The following SLC9B1 variants were observed in gnomAD, a reference collection of about 807,000 sequenced individuals.
SLC9B1 encodes the protein sodium/hydrogen exchanger 9B1.
Under a neutral mutation model 51.7 loss-of-function variants are expected in SLC9B1, and 32 were observed. That is an observed-to-expected ratio of 0.62 (90% CI 0.47 to 0.83). The LOEUF is 0.83. SLC9B1 is among the 40% of genes least tolerant of loss of function. The pLI is 0.00. For synonymous variants in SLC9B1, 145 were observed against 212.7 expected (o/e 0.68, Z 2.77); for missense variants, 406 against 613.2 (o/e 0.66, Z 3.57).
Position 102,945,303 on chromosome 4 carries a change from C to G in SLC9B1, c.543G>C (p.Lys181Asn). 6.3e-7 allele frequency: 1 copy of G among 1,596,308 alleles called. No homozygotes were observed. Among genetic ancestry groups the G allele is most frequent in the East Asian group, 2.2e-5 (1 of 44,692 alleles). Reference protein sequence around the residue: ...GLDPQALRHLKVVCFRLAVGP... With the variant: ...GLDPQALRHLNVVCFRLAVGP... ...CTACAGCCAATCTGAAACAAACGACCTTCAAATGCCTCAAAGCCTGAAACA... is the reference window on the plus strand; with the variant it reads ...CTACAGCCAATCTGAAACAAACGACGTTCAAATGCCTCAAAGCCTGAAACA... Residue 181 changes from lysine (K) to asparagine (N), a missense_variant, in exon 6 of 12, where the codon AAG (lysine) becomes AAC (asparagine). By Grantham distance (94) the Lys-to-Asn change is moderately conservative. Transcript: ENST00000296422.
chr4:102,901,763 T>C (rs1734804482), intron 11 of SLC9B1, among the ~76,000 whole-genome samples: 1 of 152,192 alleles, frequency 6.6e-6, no homozygotes. Context: ...CTTCTTCTCA[T>C]TGTTCTCCCT....
chr4:102,936,162 C>A (rs1336614686), intron 6 of SLC9B1, among the ~76,000 whole-genome samples: 1 of 152,066 alleles, frequency 6.6e-6, no homozygotes, highest in African/African-American at 2.4e-5. Flanking sequence ...GCCTTTGCCC[C>A]CTGAAATCTT....
At chr4:102,905,254 T>C (rs1734983144) in intron 11 of SLC9B1, among the ~76,000 whole-genome samples, 1 of 149,648 alleles carries the variant, frequency 6.7e-6, no homozygotes, top group African/African-American at 2.5e-5. Context: ...ATGGAGTCAC[T>C]CTGTCGCCCA....
At chr4:102,894,821 G>T (rs1409133573) in intron 11 of SLC9B1, among the ~76,000 whole-genome samples, 1 of 152,004 alleles carries the variant, frequency 6.6e-6, no homozygotes, top group Non-Finnish European at 1.5e-5. Flanking sequence ...TGGGCTTGGC[G>T]CATGCTTATA....
chr4:102,966,565 C>T (rs1738439965), intron 3 of SLC9B1, among the ~76,000 whole-genome samples: 1 of 152,190 alleles, frequency 6.6e-6, no homozygotes, highest in Admixed American at 6.5e-5. Flanking sequence ...CTGCTGAGGG[C>T]TGTGCCAGAA....
At chr4:102,943,165 A>AT (rs1737090069) in intron 6 of SLC9B1, among the ~76,000 whole-genome samples, 1 of 116,854 alleles carries the variant, frequency 8.6e-6, no homozygotes, top group South Asian at 2.9e-4. Context: ...AATCAAAAAA[A>AT]TAAAAAAAAA....
At chr4:102,975,013 T>C (rs1054413386) in intron 3 of SLC9B1, among the ~76,000 whole-genome samples, 1 of 152,194 alleles carries the variant, frequency 6.6e-6, no homozygotes, top group African/African-American at 2.4e-5. Flanking sequence ...TATTTTATTA[T>C]TTTTAAAGAG....
In SLC9B1 at chr4:103,019,630, G is replaced by A. The variant is rs186545446; in HGVS notation, c.-33C>T. 12 of 985,370 alleles carry A rather than the reference G, an allele frequency of 1.2e-5. No individual in the cohort carries two copies. Among genetic ancestry groups the A allele is most frequent in the African/African-American group, 3.5e-5 (2 of 57,252 alleles). 61.0% of individuals were successfully genotyped at this position (985,370 alleles called of 1,614,324 possible). ...CTTCTTTCGCAGCCCTCGCTGGCCCGGGAGCGGCCCAGGAGCCCAGTGACC... is the reference window on the plus strand; with the variant it reads ...CTTCTTTCGCAGCCCTCGCTGGCCCAGGAGCGGCCCAGGAGCCCAGTGACC... On this transcript the variant is annotated 5_prime_UTR_variant, in exon 1 of 12. Transcript: ENST00000296422.
At chr4:102,981,431 A>C (rs1560518654) in intron 3 of SLC9B1, among the ~76,000 whole-genome samples, 1 of 152,174 alleles carries the variant, frequency 6.6e-6, no homozygotes, top group Non-Finnish European at 1.5e-5. Context: ...CTGCCAAACT[A>C]TCATCCAAAG....
In SLC9B1 at chr4:102,991,727, A is replaced by G. The variant is rs1739948017; in HGVS notation, c.-1-15T>C. The G allele has an allele frequency of 3.3e-6, 5 of 1,523,136 alleles. No homozygotes were observed. Among genetic ancestry groups the G allele is most frequent in the East Asian group, 2.3e-5 (1 of 42,566 alleles). 94.4% of individuals were successfully genotyped at this position (1,523,136 alleles called of 1,614,324 possible). On this transcript the variant is annotated splice_polypyrimidine_tract_variant and intron_variant, in intron 1 of 11. Coordinates refer to ENST00000296422, the MANE Select transcript of SLC9B1 (RefSeq NM_139173.4). ...TGGTATGCATGCTAAGATTTAAAAGAAAAATACTTTAAAAGAAGAAACAAG... is the reference window on the plus strand; with the variant it reads ...TGGTATGCATGCTAAGATTTAAAAGGAAAATACTTTAAAAGAAGAAACAAG...
At position 102,918,891 on chromosome 4, in the gene SLC9B1, C is replaced by CA. The variant is rs938164319; in HGVS notation, c.830-7355dup. Among the ~76,000 whole-genome samples the CA allele has an allele frequency of 2.6e-3, 390 of 150,014 alleles. 4 individuals are homozygous for CA. The highest frequency in any genetic ancestry group is 8.8e-3 in the African/African-American group (360 of 40,938). ...GATAGACTTGAACAGACATTTTTTCCAAAAAAAAATACAAATGGCCAACTA... is the reference window on the plus strand; with the variant it reads ...GATAGACTTGAACAGACATTTTTTCCAAAAAAAAAATACAAATGGCCAACTA... On this transcript the variant is annotated intron_variant, in intron 7 of 11. Transcript: ENST00000296422.
At chr4:102,995,320 T>A (rs776734311) in intron 1 of SLC9B1, among the ~76,000 whole-genome samples, 20 of 152,168 alleles carry the variant, frequency 1.3e-4, no homozygotes, top group Non-Finnish European at 2.2e-4. Flanking sequence ...ATGAGGATCA[T>A]ATTATAGAGA....
At chr4:102,914,431 A>G (rs1735488156) in intron 7 of SLC9B1, among the ~76,000 whole-genome samples, 1 of 151,924 alleles carries the variant, frequency 6.6e-6, no homozygotes, top group African/African-American at 2.4e-5. Flanking sequence ...CAAGAAGGGG[A>G]TCTTTTCAGG....
chr4:103,019,697 C>A lies in SLC9B1; in HGVS notation c.-100G>T. ...GCCACCCAGGTGGGCAGGGTGGTGA[C>A]GCGAAAGCCCGGATAGACTTCCGCG... On this transcript the variant is annotated 5_prime_UTR_variant, in exon 1 of 12. Transcript: ENST00000296422. 1.0e-6 allele frequency: 1 copy of A among 985,490 alleles called. No homozygotes were observed. Among genetic ancestry groups the A allele is most frequent in the Non-Finnish European group, 1.2e-6 (1 of 829,964 alleles). 61.0% of individuals were successfully genotyped at this position (985,490 alleles called of 1,614,324 possible). A position where few individuals can be genotyped will look rare whatever the true frequency, so the allele number is the denominator to read the frequency against.
At chr4:102,962,857 C>T in intron 3 of SLC9B1, 1 of 472,012 alleles carries the variant, frequency 2.1e-6, no homozygotes, top group South Asian at 1.5e-5. Flanking sequence ...ACACAGGTAT[C>T]AATGTGATCA....
chr4:102,969,438 C>A (rs989866979), intron 3 of SLC9B1, among the ~76,000 whole-genome samples: 11 of 152,298 alleles, frequency 7.2e-5, no homozygotes, highest in Middle Eastern at 3.4e-3. Context: ...CAGAAAGGAA[C>A]AGCATCAACA....
chr4:102,948,670 G>T (rs1187370350), intron 4 of SLC9B1, among the ~76,000 whole-genome samples: 2 of 152,030 alleles, frequency 1.3e-5, no homozygotes, highest in Non-Finnish European at 2.9e-5. Flanking sequence ...GCAGCAACAT[G>T]GATAAAGCTG....
At chr4:102,934,619 AG>A (rs1220001287) in intron 6 of SLC9B1, among the ~76,000 whole-genome samples, 3 of 152,070 alleles carry the variant, frequency 2.0e-5, no homozygotes, top group Non-Finnish European at 4.4e-5. Context: ...TGAAACCAAT[AG>A]CTGGGTGCAG....
At chr4:102,942,912 G>C (rs377082523) in intron 6 of SLC9B1, among the ~76,000 whole-genome samples, 1 of 151,964 alleles carries the variant, frequency 6.6e-6, no homozygotes. Flanking sequence ...GGGAGAAAAT[G>C]TTTACAAACT....
Sources: gnomAD v4.1 joint callset for allele counts (sites outside exome capture counted in the v4.1 genomes callset) on GRCh38, gnomAD v4.1.1 for gene constraint, MANE v1.5 for transcripts, NCBI Gene and HGNC (gene_info 2026-07-23, HGNC 2026-07-21) for gene names.